Variants in ADAMTS2 observed in about 807,000 individuals in gnomAD.
ADAMTS2 encodes the protein A disintegrin and metalloproteinase with thrombospondin motifs 2.
ADAMTS2 carries 50 observed loss-of-function variants against 123.0 expected under a neutral mutation model. That is an observed-to-expected ratio of 0.41 (90% CI 0.32 to 0.51). The LOEUF (loss-of-function observed/expected upper bound fraction) is 0.51. Among genes scored for constraint, ADAMTS2 ranks in the 20% least tolerant of loss-of-function variants. The pLI is 0.35. For synonymous variants in ADAMTS2, 678 were observed against 695.4 expected, an observed-to-expected ratio of 0.98 and a Z score of 0.39; for missense variants, 1,494 against 1,705.2, an observed-to-expected ratio of 0.88 and a Z score of 2.18.
At chr5:179,302,930 CG>C (rs1756571620) in intron 2 of ADAMTS2, among the ~76,000 whole-genome samples, 1 of 33,846 alleles carries the variant, frequency 3.0e-5, no homozygotes, top group African/African-American at 1.2e-4. Flanking sequence ...AAAGGGTGGG[CG>C]GGGGCGAGGG....
chr5:179,310,567 T>A (rs116462352), intron 2 of ADAMTS2, among the ~76,000 whole-genome samples: 2,124 of 151,824 alleles, frequency 0.014, 25 homozygotes, highest in Non-Finnish European at 0.023. Context: ...CCGGCTGGGG[T>A]GAGGGATGGT....
Position 179,226,029 on chromosome 5 carries a change from C to T in ADAMTS2, c.689-18314G>A, listed in dbSNP as rs557024142. On this transcript the variant is annotated intron_variant, in intron 3 of 21. Transcript: ENST00000251582. ...ACACTGCTGTGGGGTCGGAGCCCCACAGCCTGCCCGTCTGTATTCTCCCCC... is the reference window on the plus strand; with the variant it reads ...ACACTGCTGTGGGGTCGGAGCCCCATAGCCTGCCCGTCTGTATTCTCCCCC... Among the ~76,000 whole-genome samples the T allele has an allele frequency of 1.2e-4, 18 of 152,284 alleles. No homozygotes were observed. The South Asian group carries it at 3.5e-3, about 30-fold the overall frequency.
intron 3 of ADAMTS2, among the ~76,000 whole-genome samples, chr5:179,227,495 T>C (rs1332755799): frequency 2.0e-5 from 3 of 151,998 alleles, no homozygotes; most frequent in Non-Finnish European, 4.4e-5. Context: ...TGGCTCTGGG[T>C]GCTGGCACGG....
intron 2 of ADAMTS2, 44 bp from the exon 3 acceptor site, chr5:179,273,108 G>A: frequency 6.2e-7 from 1 of 1,612,900 alleles, no homozygotes; most frequent in Non-Finnish European, 8.5e-7. Flanking sequence ...GCACACAAAA[G>A]ACCAAGGAAG....
Position 179,158,871 on chromosome 5 carries a change from G to T in ADAMTS2, c.984C>A (p.Ser328Arg). 6.2e-7 allele frequency: 1 copy of T among 1,614,076 alleles called. No homozygotes were observed. Among genetic ancestry groups the T allele is most frequent in the Non-Finnish European group, 8.5e-7 (1 of 1,180,034 alleles). ...IILLSYGKSM[S>R]LIEIGNPSQS... is the part of the protein sequence containing the mutation. ...GAGAGGGGTTCCCGATCTCGATGAG[G>T]CTCATGGACTGCAGGGGGATGGAGA... The change falls in exon 6 of 22, where the codon AGC becomes AGA. Residue 328 changes from serine to arginine, a missense_variant. Physicochemically the swap from Ser to Arg is moderately radical, Grantham distance 110 (BLOSUM62 -1). This residue lies in a region of ADAMTS2 where 70 missense variants were observed against 85.3 expected (regional missense o/e 0.82). Transcript: ENST00000251582. The surrounding 1 kb of genome is among the most constrained non-coding windows in gnomAD (Gnocchi z 5.0).
At chr5:179,252,112 A>G (rs1205475353) in intron 3 of ADAMTS2, among the ~76,000 whole-genome samples, 3 of 151,536 alleles carry the variant, frequency 2.0e-5, no homozygotes, top group Non-Finnish European at 4.4e-5. Flanking sequence ...GGCTCAAGCA[A>G]TTCTCCTGCC....
At chr5:179,318,572 C>T (rs77409252) in intron 2 of ADAMTS2, among the ~76,000 whole-genome samples, 7,182 of 152,302 alleles carry the variant, frequency 0.047, 247 homozygotes, top group African/African-American at 0.098. Flanking sequence ...GCACACCCCT[C>T]GCCTCCGTCT....
intron 3 of ADAMTS2, among the ~76,000 whole-genome samples, chr5:179,238,127 C>T (rs1330369194): frequency 6.6e-6 from 1 of 152,226 alleles, no homozygotes; most frequent in African/African-American, 2.4e-5. Context: ...AAGAAACAAG[C>T]AGTTCCATCC....
At chr5:179,191,038 C>T (rs1248035135) in intron 4 of ADAMTS2, among the ~76,000 whole-genome samples, 1 of 152,278 alleles carries the variant, frequency 6.6e-6, no homozygotes, top group East Asian at 1.9e-4. Context: ...TTCCCACCCG[C>T]TGACCGGATG....
rs1762898221 is a variant in ADAMTS2, at chr5:179,128,414, T to C, written c.2458-296A>G. Among the ~76,000 whole-genome samples, 1 of 152,202 alleles carries C rather than the reference T, an allele frequency of 6.6e-6. No individual in the cohort carries two copies. The highest frequency in any genetic ancestry group is 6.5e-5 in the Admixed American group (1 of 15,282). ...TGTTTGTTTTTGTTTGTTTTTGAGATGGAGTTTCGCTCTTGTAGCCCAGGC... is the reference window on the plus strand; with the variant it reads ...TGTTTGTTTTTGTTTGTTTTTGAGACGGAGTTTCGCTCTTGTAGCCCAGGC... On this transcript the variant is annotated intron_variant, in intron 16 of 21. Transcript: ENST00000251582. The surrounding 1 kb of genome is among the most constrained non-coding windows in gnomAD (Gnocchi z 4.9).
intron 6 of ADAMTS2, among the ~76,000 whole-genome samples, chr5:179,157,978 T>G (rs1248811996): frequency 6.6e-6 from 1 of 152,002 alleles, no homozygotes; most frequent in Admixed American, 6.6e-5. Flanking sequence ...GTCTCTTTTT[T>G]TTTTGAGACA....
At chr5:179,333,040 T>C (rs950326206) in intron 2 of ADAMTS2, among the ~76,000 whole-genome samples, 1 of 152,162 alleles carries the variant, frequency 6.6e-6, no homozygotes, top group Non-Finnish European at 1.5e-5. Context: ...GGGATAGCCA[T>C]GCGACGGCGG....
At chr5:179,276,165 T>C (rs1766689884) in intron 2 of ADAMTS2, among the ~76,000 whole-genome samples, 1 of 152,092 alleles carries the variant, frequency 6.6e-6, no homozygotes, top group Admixed American at 6.5e-5. Flanking sequence ...AGCGAACCGA[T>C]GACCCCAAAG....
Position 179,234,797 on chromosome 5 carries a change from C to G in ADAMTS2, c.689-27082G>C, listed in dbSNP as rs1033530777. On this transcript the variant is annotated intron_variant, in intron 3 of 21. Coordinates refer to ENST00000251582, the MANE Select transcript of ADAMTS2 (RefSeq NM_014244.5). This position sits in a 1 kb window ranked among gnomAD's most constrained non-coding sequence, Gnocchi z 4.7. ...GCCTCCTCCCAGACCTGGCCCCATC[C>G]GCTGCTGCTCCCTGCCCTTCACTCC... Among the ~76,000 whole-genome samples the G allele has an allele frequency of 6.6e-6, 1 of 152,262 alleles. No homozygotes were observed. Among genetic ancestry groups the G allele is most frequent in the Non-Finnish European group, 1.5e-5 (1 of 68,002 alleles).
chr5:179,212,757 C>A (rs1473117023), intron 3 of ADAMTS2, among the ~76,000 whole-genome samples: 3 of 105,262 alleles, frequency 2.9e-5, no homozygotes, highest in Admixed American at 9.7e-5. Flanking sequence ...GGCCTGAGGG[C>A]GGGTGCAGTG....
At chr5:179,134,727 C>T (rs1325290058) in intron 13 of ADAMTS2, among the ~76,000 whole-genome samples, 1 of 150,684 alleles carries the variant, frequency 6.6e-6, no homozygotes, top group Non-Finnish European at 1.5e-5. Flanking sequence ...ACCCTCCCGG[C>T]TCCAGCTCCA....
chr5:179,318,225 C>T (rs988340394), intron 2 of ADAMTS2, among the ~76,000 whole-genome samples: 1 of 152,214 alleles, frequency 6.6e-6, no homozygotes, highest in African/African-American at 2.4e-5. Flanking sequence ...TTAACTAGCC[C>T]CTTCCAATTA....
At chr5:179,279,169 C>T (rs1766824454) in intron 2 of ADAMTS2, among the ~76,000 whole-genome samples, 1 of 151,984 alleles carries the variant, frequency 6.6e-6, no homozygotes, top group Non-Finnish European at 1.5e-5. Context: ...CCTTGTCAAC[C>T]TCCAGCATAA....
Position 179,229,165 on chromosome 5 carries a change from G to A in ADAMTS2, c.689-21450C>T, listed in dbSNP as rs979320007. On this transcript the variant is annotated intron_variant, in intron 3 of 21. Transcript: ENST00000251582. ...AGAGAAGCCAAGGAAGTCCTTACAG[G>A]CTTCTGTCAGAGAATCGGAGGAAAG... Among the ~76,000 whole-genome samples the A allele has an allele frequency of 2.6e-5, 4 of 152,210 alleles. No individual in the cohort carries two copies. The East Asian group carries it at 7.7e-4, about 29-fold the overall frequency.
Sources: allele counts gnomAD v4.1 joint callset (sites outside exome capture counted in the v4.1 genomes callset), GRCh38; gene constraint gnomAD v4.1.1; regional missense constraint gnomAD v4.1.1; non-coding constraint Gnocchi (gnomAD v3.1); transcripts MANE v1.5; gene names NCBI Gene and HGNC (gene_info 2026-07-23, HGNC 2026-07-21).